MDGA2: variants seen among roughly 807,000 people sequenced by gnomAD.
MDGA2 encodes MAM domain-containing glycosylphosphatidylinositol anchor protein 2.
A neutral mutation model predicts 117.8 loss-of-function variants in MDGA2; 40 were observed. That is an observed-to-expected ratio of 0.34 (90% CI 0.26 to 0.44). The LOEUF is 0.44. Ranked by LOEUF, MDGA2 falls within the 20% of genes least tolerant of loss-of-function variation. The pLI is 1.00. For missense variants in MDGA2, 1,123 were observed against 1,250.6 expected (o/e 0.90, Z 1.54); for synonymous variants, 452 against 439.0 (o/e 1.03, Z -0.37).
chr14:46,967,110 T>C (rs1480065293), intron 8 of MDGA2, among the ~76,000 whole-genome samples: 1 of 145,376 alleles, frequency 6.9e-6, no homozygotes, highest in African/African-American at 2.5e-5. Context: ...TAAAAAATAT[T>C]AATATAACCT....
intron 1 of MDGA2, among the ~76,000 whole-genome samples, chr14:47,634,122 C>T (rs1325050981): frequency 3.9e-5 from 6 of 151,974 alleles, no homozygotes; most frequent in Admixed American, 6.5e-5. Context: ...AAGGAATTCA[C>T]CTTAAATATA....
intron 1 of MDGA2, among the ~76,000 whole-genome samples, chr14:47,659,903 T>C (rs1273891292): frequency 3.3e-5 from 5 of 152,352 alleles, no homozygotes; most frequent in Non-Finnish European, 7.3e-5. Flanking sequence ...AGTTACAAAA[T>C]GCATGATGGC....
At chr14:47,504,699 A>C (rs1366456079) in intron 1 of MDGA2, among the ~76,000 whole-genome samples, 1 of 152,210 alleles carries the variant, frequency 6.6e-6, no homozygotes, top group East Asian at 1.9e-4. Flanking sequence ...AATGCAGGCG[A>C]GGATGTGTGA....
intron 3 of MDGA2, among the ~76,000 whole-genome samples, chr14:47,200,373 TATC>T (rs1289351431): frequency 3.3e-5 from 5 of 152,076 alleles, no homozygotes; most frequent in South Asian, 2.1e-4. Flanking sequence ...TTTAAAAGAA[TATC>T]ATATTTCTAA....
At chr14:47,087,790 C>G (rs1282800917) in intron 6 of MDGA2, among the ~76,000 whole-genome samples, 1 of 96,756 alleles carries the variant, frequency 1.0e-5, no homozygotes, top group East Asian at 2.7e-4. Flanking sequence ...TGTTTTACAA[C>G]TGTAGGGTAT....
chr14:47,218,232 G>A (rs1262139707), intron 2 of MDGA2, 37 bp from the exon 3 acceptor site: 1 of 1,445,714 alleles, frequency 6.9e-7, no homozygotes, highest in South Asian at 1.5e-5. Flanking sequence ...ACTTTAGGTT[G>A]GTTTTCCCAC....
chr14:47,670,309 T>C (rs1285764227), intron 1 of MDGA2, among the ~76,000 whole-genome samples: 1 of 152,210 alleles, frequency 6.6e-6, no homozygotes, highest in African/African-American at 2.4e-5. Flanking sequence ...TTGTATTTTG[T>C]TTTTTGTTTG....
intron 15 of MDGA2, among the ~76,000 whole-genome samples, chr14:46,848,082 G>T (rs935081006): frequency 1.3e-5 from 2 of 151,960 alleles, no homozygotes; most frequent in African/African-American, 4.8e-5. Context: ...TGGGCTTTAT[G>T]TGGGGAAGTG....
At chr14:47,609,436 T>TATATATAC (rs1444710729) in intron 1 of MDGA2, among the ~76,000 whole-genome samples, 8 of 82,020 alleles carry the variant, frequency 9.8e-5, no homozygotes, top group Admixed American at 2.2e-4. Context: ...ATCATATATA[T>TATATATAC]ATATATATAT....
intron 7 of MDGA2, 90 bp downstream of exon 7, chr14:47,061,159 A>T (rs1889866949): frequency 7.9e-7 from 1 of 1,264,132 alleles, no homozygotes; most frequent in Admixed American, 2.3e-5. Flanking sequence ...AAAAGGGAAA[A>T]AATATTTTTA....
At position 46,962,079 on chromosome 14, in the gene MDGA2, T is replaced by C. The variant is rs531835569; in HGVS notation, c.1820-4436A>G. Among the ~76,000 whole-genome samples the C allele has an allele frequency of 8.5e-5, 13 of 152,334 alleles. No individual in the cohort carries two copies. In the South Asian group the frequency reaches 2.5e-3, roughly 29 times the overall value. The stretch of plus-strand genomic sequence containing the variant: ...ATTTGTTGCCCTTTAAAAATATTTA[T>C]AGGATATGCTGATGACTAAAATGAT... On this transcript the variant is annotated intron_variant, in intron 8 of 16. Transcript: ENST00000399232.
At chr14:46,937,250 A>G (rs565467475) in intron 9 of MDGA2, among the ~76,000 whole-genome samples, 238 of 150,228 alleles carry the variant, frequency 1.6e-3, no homozygotes, top group African/African-American at 5.5e-3. Context: ...CAAATTTAAC[A>G]AAGGAAGTAA....
rs141124818 is a variant in MDGA2 at position 47,553,769 on chromosome 14, A to G, written c.280+120748T>C. Among the ~76,000 whole-genome samples, 1,023 of 152,324 alleles carry G rather than the reference A, an allele frequency of 6.7e-3. 15 individuals carry two copies. The highest frequency in any genetic ancestry group is 0.024 in the African/African-American group (983 of 41,564). Reference sequence around the variant, plus strand: ...AATAGAAAAAATATGGCATAAAAGTATATATGTTGTCTTATATTTTATTGC... The same window carrying G: ...AATAGAAAAAATATGGCATAAAAGTGTATATGTTGTCTTATATTTTATTGC... On this transcript the variant is annotated intron_variant, in intron 1 of 16. Coordinates refer to ENST00000399232, the MANE Select transcript of MDGA2 (RefSeq NM_001113498.3).
At chr14:47,240,409 G>C (rs575780465) in intron 2 of MDGA2, among the ~76,000 whole-genome samples, 3 of 151,780 alleles carry the variant, frequency 2.0e-5, no homozygotes, top group African/African-American at 7.3e-5. Context: ...CGGGTTATAG[G>C]AGTGTGTTAA....
At chr14:47,478,254 T>C (rs1295747864) in intron 1 of MDGA2, among the ~76,000 whole-genome samples, 1 of 152,214 alleles carries the variant, frequency 6.6e-6, no homozygotes, top group African/African-American at 2.4e-5. Flanking sequence ...AGGAGACATA[T>C]TTTTAACATG....
chr14:47,101,966 G>A (rs1880348615), intron 5 of MDGA2, among the ~76,000 whole-genome samples: 1 of 152,046 alleles, frequency 6.6e-6, no homozygotes, highest in Non-Finnish European at 1.5e-5. Context: ...ATTTAATTTG[G>A]GGTTAAGTAA....
At position 47,015,676 on chromosome 14, in the gene MDGA2, G is replaced by C. The variant is rs187073209; in HGVS notation, c.1819+19335C>G. On this transcript the variant is annotated intron_variant, in intron 8 of 16. Coordinates refer to ENST00000399232, the MANE Select transcript of MDGA2 (RefSeq NM_001113498.3). The stretch of plus-strand genomic sequence containing the variant: ...TGAGAATCACAGAATCCCAAGAAAA[G>C]AGAATATCCAAAAATGAAGTCAGGA... Among the ~76,000 whole-genome samples, 252 of 152,130 alleles carry C rather than the reference G, an allele frequency of 1.7e-3. 2 individuals carry two copies. The highest frequency in any genetic ancestry group is 5.9e-3 in the African/African-American group (243 of 41,520).
At chr14:47,020,905 T>C (rs539334132) in intron 8 of MDGA2, among the ~76,000 whole-genome samples, 79 of 152,184 alleles carry the variant, frequency 5.2e-4, no homozygotes, top group Admixed American at 3.1e-3. Flanking sequence ...AATTAGAAGC[T>C]TTTTAAAAAA....
intron 8 of MDGA2, among the ~76,000 whole-genome samples, chr14:47,001,212 A>T (rs1206045622): frequency 6.6e-6 from 1 of 152,098 alleles, no homozygotes; most frequent in South Asian, 2.1e-4. Flanking sequence ...TAAAAAGAAA[A>T]GGAATATGAC....
Sources: allele counts gnomAD v4.1 joint callset (sites outside exome capture counted in the v4.1 genomes callset), GRCh38; gene constraint gnomAD v4.1.1; transcripts MANE v1.5; gene names NCBI Gene and HGNC (gene_info 2026-07-23, HGNC 2026-07-21).